Variants in DACH2 observed in about 807,000 individuals in gnomAD.
DACH2 encodes dachshund homolog 2.
In DACH2, 17 loss-of-function variants were observed where a neutral mutation model predicts 35.8. The observed-to-expected ratio is 0.48, with a 90% CI of 0.33 to 0.71. The LOEUF is 0.71. DACH2 is among the 30% of genes least tolerant of loss of function. The pLI is 0.02. For synonymous variants in DACH2, 195 were observed against 177.3 expected, an observed-to-expected ratio of 1.10 and a Z score of -0.79; for missense variants, 469 against 472.7, an observed-to-expected ratio of 0.99 and a Z score of 0.07.
chrX:86,339,985 A>G (rs953053244), intron 1 of DACH2, among the ~76,000 whole-genome samples: 3 of 112,084 alleles, frequency 2.7e-5, no homozygotes, highest in Non-Finnish European at 5.6e-5. Flanking sequence ...TACTTTGTAC[A>G]TTATCTTTAT....
At chrX:86,546,392 CTT>C (rs1193590134) in intron 3 of DACH2, among the ~76,000 whole-genome samples, 2 of 66,720 alleles carry the variant, frequency 3.0e-5, no homozygotes, top group Non-Finnish European at 2.9e-5. Context: ...TCTTCTTCTT[CTT>C]CTTCTTCTTC....
At chrX:86,161,473 C>G in intron 1 of DACH2, 1 of 373,747 alleles carries the variant, frequency 2.7e-6, no homozygotes, top group Non-Finnish European at 4.5e-6. Context: ...AACCATCTTC[C>G]TTCAGTTAAA....
chrX:86,217,096 A>C (rs5967691), intron 1 of DACH2, among the ~76,000 whole-genome samples: 3 of 6,221 alleles, frequency 4.8e-4, no homozygotes, highest in Non-Finnish European at 1.0e-3. Context: ...TCTCAAAAAT[A>C]AAAAAAAAAA....
chrX:86,412,017 A>G (rs2036622843), intron 2 of DACH2, among the ~76,000 whole-genome samples: 1 of 111,675 alleles, frequency 9.0e-6, no homozygotes, highest in African/African-American at 3.3e-5. Context: ...AATTCCATGC[A>G]TACTCTTCCT....
chrX:86,822,359 A>G (rs1414590205), intron 11 of DACH2, among the ~76,000 whole-genome samples: 4 of 112,223 alleles, frequency 3.6e-5, no homozygotes, highest in Non-Finnish European at 7.5e-5. Context: ...TAGTGAAAAA[A>G]GAAAGGCAGG....
chrX:86,190,174 A>C (rs1178118091), intron 1 of DACH2, among the ~76,000 whole-genome samples: 1 of 110,438 alleles, frequency 9.1e-6, no homozygotes, highest in Non-Finnish European at 1.9e-5. Flanking sequence ...AAAAAAAAAA[A>C]AAGTAAAATA....
At chrX:86,753,533 T>C (rs1472305499) in intron 7 of DACH2, among the ~76,000 whole-genome samples, 1 of 111,476 alleles carries the variant, frequency 9.0e-6, no homozygotes, top group Admixed American at 9.6e-5. Context: ...GCATTTCATG[T>C]GACAGTGATA....
chrX:86,401,887 A>G (rs1165542486), intron 2 of DACH2, among the ~76,000 whole-genome samples: 2 of 112,016 alleles, frequency 1.8e-5, no homozygotes, highest in African/African-American at 3.3e-5. Context: ...CAACATATAC[A>G]CATCAAGAAA....
chrX:86,710,353 G>A (rs774723044), intron 5 of DACH2, among the ~76,000 whole-genome samples: 8 of 111,854 alleles, frequency 7.2e-5, no homozygotes, highest in African/African-American at 2.6e-4. Context: ...GTTGCCAGAG[G>A]ATGGGGAGAG....
intron 3 of DACH2, among the ~76,000 whole-genome samples, chrX:86,597,904 C>A (rs894608655): frequency 3.0e-4 from 33 of 111,650 alleles, no homozygotes; most frequent in Non-Finnish European, 4.9e-4. Context: ...CAATACTGGG[C>A]AATTTACAGA....
At chrX:86,650,320 AGTGTAT>A (rs1312032080) in intron 3 of DACH2, among the ~76,000 whole-genome samples, 1 of 111,167 alleles carries the variant, frequency 9.0e-6, no homozygotes, top group Non-Finnish European at 1.9e-5. Context: ...TTGGTCCCTC[AGTGTAT>A]AAGTATTAGG....
intron 1 of DACH2, among the ~76,000 whole-genome samples, chrX:86,328,561 A>G (rs1469625321): frequency 8.9e-6 from 1 of 111,882 alleles, no homozygotes; most frequent in Non-Finnish European, 1.9e-5. Flanking sequence ...GAATATGTTT[A>G]CTTCAGCAGA....
chrX:86,485,712 G>A (rs2038009490), intron 2 of DACH2, among the ~76,000 whole-genome samples: 1 of 111,110 alleles, frequency 9.0e-6, no homozygotes, highest in Non-Finnish European at 1.9e-5. Context: ...TTGCCTATAA[G>A]TGATAAATAT....
At chrX:86,282,982 T>TTG (rs2034065609) in intron 1 of DACH2, among the ~76,000 whole-genome samples, 1 of 38,299 alleles carries the variant, frequency 2.6e-5, no homozygotes, top group African/African-American at 2.5e-4. Context: ...GTTTCACCGC[T>TTG]TTAGCCGGGA....
At chrX:86,432,204 T>C (rs777969506) in intron 2 of DACH2, among the ~76,000 whole-genome samples, 1 of 112,353 alleles carries the variant, frequency 8.9e-6, no homozygotes, top group East Asian at 2.8e-4. Flanking sequence ...TATCAGAATC[T>C]TGGAATGGTT....
At chrX:86,755,092 T>C (rs187502095) in intron 7 of DACH2, among the ~76,000 whole-genome samples, 315 of 111,656 alleles carry the variant, frequency 2.8e-3, no homozygotes, top group Middle Eastern at 0.014. Flanking sequence ...GCATCTGTTA[T>C]TTGTTATCTA....
At chrX:86,463,146 G>A (rs889040128) in intron 2 of DACH2, among the ~76,000 whole-genome samples, 2 of 110,390 alleles carry the variant, frequency 1.8e-5, no homozygotes, top group East Asian at 2.8e-4. Flanking sequence ...ATTGTACTTT[G>A]AGAAAGAGGT....
chrX:86,688,968 A>C (rs751627681), intron 4 of DACH2, among the ~76,000 whole-genome samples: 19 of 111,511 alleles, frequency 1.7e-4, no homozygotes, highest in Non-Finnish European at 3.4e-4. Context: ...TTAAATAGCC[A>C]CAGGTGACTA....
chrX:86,644,462 G>C (rs2040390107), intron 3 of DACH2, among the ~76,000 whole-genome samples: 1 of 105,663 alleles, frequency 9.5e-6, no homozygotes. Flanking sequence ...CCCATGGATA[G>C]GAAGAATCAA....
Sources: gnomAD v4.1 joint callset for allele counts (sites outside exome capture counted in the v4.1 genomes callset) on GRCh38, gnomAD v4.1.1 for gene constraint, MANE v1.5 for transcripts, NCBI Gene and HGNC (gene_info 2026-07-23, HGNC 2026-07-21) for gene names.